Variants in RIMS1 observed in about 807,000 individuals in gnomAD.
RIMS1 encodes regulating synaptic membrane exocytosis 1, also known as regulating synaptic membrane exocytosis protein 1.
RIMS1 carries 83 observed loss-of-function variants against 214.1 expected under a neutral mutation model. The observed-to-expected ratio is 0.39, with a 90% CI of 0.32 to 0.47. The LOEUF is 0.47. RIMS1 is among the 20% of genes least tolerant of loss of function. RIMS1 has a pLI of 0.99. For synonymous variants in RIMS1, 793 were observed against 786.8 expected, an observed-to-expected ratio of 1.01 and a Z score of -0.13; for missense variants, 2,050 against 2,161.8, an observed-to-expected ratio of 0.95 and a Z score of 1.03.
chr6:72,182,566 G>A lies in RIMS1; in HGVS notation c.1095G>A (p.Pro365=). The A allele has an allele frequency of 1.3e-6, 2 of 1,550,350 alleles. No individual in the cohort carries two copies. The highest frequency in any genetic ancestry group is 1.7e-6 in the Non-Finnish European group (2 of 1,147,626). The change falls in exon 6 of 34, where the codon CCG becomes CCA. Residue 365 remains proline, a synonymous_variant. Coordinates refer to ENST00000521978, the MANE Select transcript of RIMS1 (RefSeq NM_014989.7). ...GCGACCCGAACCTAGCTCGGTACCC[G>A]GTGAAACCGCCGCCTGAGGAGCAGC... The part of the protein sequence containing the change: ...YRSDPNLARY[P]VKPPPEEQQM...
At chr6:72,167,903 ATTT>A (rs10544711) in intron 4 of RIMS1, among the ~76,000 whole-genome samples, 15 of 151,040 alleles carry the variant, frequency 9.9e-5, no homozygotes, top group South Asian at 4.2e-4. Context: ...TCTAGGTTTT[ATTT>A]TTTTTTTTAG....
chr6:72,028,254 A>T (rs1817094558), intron 2 of RIMS1, among the ~76,000 whole-genome samples: 1 of 152,178 alleles, frequency 6.6e-6, no homozygotes, highest in Non-Finnish European at 1.5e-5. Flanking sequence ...TTCTAATGTA[A>T]CATTTCTAAA....
At chr6:72,332,940 C>T (rs1485777935) in intron 28 of RIMS1, among the ~76,000 whole-genome samples, 2 of 151,662 alleles carry the variant, frequency 1.3e-5, no homozygotes, top group African/African-American at 2.4e-5. Flanking sequence ...CTACATCATG[C>T]GAGTGTGAGG....
chr6:72,308,668 A>G (rs1419639479), intron 27 of RIMS1, among the ~76,000 whole-genome samples: 1 of 152,156 alleles, frequency 6.6e-6, no homozygotes, highest in Non-Finnish European at 1.5e-5. Context: ...CTGTCACTTT[A>G]CATGTTAGGT....
At chr6:72,167,237 G>A (rs752412094) in intron 4 of RIMS1, among the ~76,000 whole-genome samples, 29 of 151,662 alleles carry the variant, frequency 1.9e-4, no homozygotes, top group Non-Finnish European at 4.3e-4. Context: ...GCATATATAT[G>A]TGTATATATA....
At chr6:72,346,208 A>T (rs537395804) in intron 29 of RIMS1, among the ~76,000 whole-genome samples, 1 of 151,910 alleles carries the variant, frequency 6.6e-6, no homozygotes, top group African/African-American at 2.4e-5. Context: ...AGCAGTTTTA[A>T]TAATTCTGGG....
chr6:72,108,946 C>T (rs2035392285), intron 4 of RIMS1, among the ~76,000 whole-genome samples: 1 of 147,882 alleles, frequency 6.8e-6, no homozygotes, highest in African/African-American at 2.5e-5. Flanking sequence ...TGAGAAAATG[C>T]AGTGTCTGGT....
At chr6:71,897,304 G>C (rs1772095683) in intron 1 of RIMS1, among the ~76,000 whole-genome samples, 1 of 152,060 alleles carries the variant, frequency 6.6e-6, no homozygotes, top group South Asian at 2.1e-4. Context: ...CATCTGATCT[G>C]ATCTCCACAT....
Position 72,087,806 on chromosome 6 carries a change from C to T in RIMS1, c.246-9143C>T, listed in dbSNP as rs141411032. Among the ~76,000 whole-genome samples, 915 of 152,284 alleles carry T rather than the reference C, an allele frequency of 6.0e-3. 9 individuals are homozygous for T. Among genetic ancestry groups the T allele is most frequent in the African/African-American group, 0.02 (823 of 41,568 alleles). ...TAAATACTTTAGCATATTTATCCCA[C>T]TATAAAATTTCCATTGAAAACTCTG... On this transcript the variant is annotated intron_variant, in intron 2 of 33. Transcript: ENST00000521978.
At position 72,383,714 on chromosome 6, in the gene RIMS1, C is replaced by A. The variant is rs971149412; in HGVS notation, c.4367-6884C>A. On this transcript the variant is annotated intron_variant, in intron 29 of 33. Transcript: ENST00000521978. Reference sequence around the variant, plus strand: ...CTGAGAGGAGAGGATCGCTTGAGCCCAGGAGTTTAAGGTAACAGTAAGCTG... The same window carrying A: ...CTGAGAGGAGAGGATCGCTTGAGCCAAGGAGTTTAAGGTAACAGTAAGCTG... Among the ~76,000 whole-genome samples the A allele has an allele frequency of 7.2e-5, 11 of 151,732 alleles. No homozygotes were observed. In the South Asian group the frequency reaches 2.3e-3, roughly 32 times the overall value.
chr6:72,390,670 A>T lies in RIMS1; in HGVS notation c.4439A>T (p.Lys1480Met). ...TETGMAAEMR[K>M]MVRQPSREST... is the part of the protein sequence containing the mutation. The stretch of plus-strand genomic sequence containing the variant: ...ACAGGCATGGCAGCTGAAATGAGAA[A>T]GATGGTAAGGCAGCCGAGCCGAGAG... The change falls in exon 30 of 34, where the codon AAG becomes ATG. Residue 1480 changes from lysine to methionine, a missense_variant. Around this residue, in one of 6 missense-constraint regions of RIMS1, gnomAD observed 121 missense variants for 187.3 expected, o/e 0.65. Transcript: ENST00000521978. 1 of 1,613,952 alleles carries T rather than the reference A, an allele frequency of 6.2e-7. No homozygotes were observed. The highest frequency in any genetic ancestry group is 8.5e-7 in the Non-Finnish European group (1 of 1,179,846).
chr6:71,978,782 A>G (rs1562014620), intron 2 of RIMS1, among the ~76,000 whole-genome samples: 1 of 152,160 alleles, frequency 6.6e-6, no homozygotes, highest in East Asian at 1.9e-4. Flanking sequence ...CTATAGTTGT[A>G]TTACCACCTG....
chr6:72,201,058 A>G (rs9446597), intron 6 of RIMS1, among the ~76,000 whole-genome samples: 2,870 of 152,256 alleles, frequency 0.019, 92 homozygotes, highest in African/African-American at 0.066. Context: ...ATGACGAAAC[A>G]TAAGTTCTAT....
At chr6:72,007,318 A>G (rs1808163659) in intron 2 of RIMS1, among the ~76,000 whole-genome samples, 1 of 152,222 alleles carries the variant, frequency 6.6e-6, no homozygotes, top group Admixed American at 6.5e-5. Context: ...CCAAAATCCC[A>G]TCTGTACATC....
chr6:72,291,790 A>G (rs1004170963), intron 25 of RIMS1, 144 bp from the exon 26 acceptor site: 21 of 691,304 alleles, frequency 3.0e-5, no homozygotes, highest in African/African-American at 1.8e-4. Flanking sequence ...ATTTACACAT[A>G]TCATAAAAAG....
intron 4 of RIMS1, among the ~76,000 whole-genome samples, chr6:72,119,823 GC>G (rs1229347073): frequency 6.6e-6 from 1 of 151,346 alleles, no homozygotes. Context: ...CCCACAACAG[GC>G]CCCTGTGTGT....
chr6:71,958,383 A>G (rs1791927718), intron 1 of RIMS1, among the ~76,000 whole-genome samples: 1 of 152,134 alleles, frequency 6.6e-6, no homozygotes, highest in Non-Finnish European at 1.5e-5. Context: ...TTGCTATTAA[A>G]CAAATTCTCT....
At chr6:71,948,887 CT>C (rs1244745263) in intron 1 of RIMS1, among the ~76,000 whole-genome samples, 10 of 152,096 alleles carry the variant, frequency 6.6e-5, no homozygotes, top group Non-Finnish European at 1.2e-4. Context: ...TTCATATCCC[CT>C]TATGTTTTCA....
intron 2 of RIMS1, among the ~76,000 whole-genome samples, chr6:72,062,809 T>C (rs1418243514): frequency 6.6e-6 from 1 of 152,120 alleles, no homozygotes; most frequent in Non-Finnish European, 1.5e-5. Flanking sequence ...TAGTGTCAGG[T>C]GTCCCTTGGT....
Sources: gnomAD v4.1 joint callset for allele counts (sites outside exome capture counted in the v4.1 genomes callset) on GRCh38, gnomAD v4.1.1 for gene constraint, gnomAD v4.1.1 regional missense constraint, MANE v1.5 for transcripts, NCBI Gene and HGNC (gene_info 2026-07-23, HGNC 2026-07-21) for gene names.